Variants in GLRA2 observed in about 807,000 individuals in gnomAD.
GLRA2 encodes the protein glycine receptor alpha 2.
GLRA2 carries 11 observed loss-of-function variants against 31.6 expected under a neutral mutation model. The ratio of observed to expected loss-of-function variants is 0.35; its 90% CI spans 0.22 to 0.58. The LOEUF is 0.58. Ranked by LOEUF, GLRA2 falls within the 20% of genes least tolerant of loss-of-function variation. The pLI is 0.84. For synonymous variants in GLRA2, 132 were observed against 134.0 expected (o/e 0.99, Z 0.10); for missense variants, 212 against 351.8 (o/e 0.60, Z 3.18).
At chrX:14,453,132 A>G in the GLRA2 span, among the ~76,000 whole-genome samples, 54 of 112,035 alleles carry the variant, frequency 4.8e-4, no homozygotes, top group African/African-American at 1.7e-3. Flanking sequence ...GTGGAGTGTT[A>G]AGAAAAGTTT....
intron 8 of GLRA2, among the ~76,000 whole-genome samples, chrX:14,694,332 T>A (rs2091409221): frequency 8.9e-6 from 1 of 111,889 alleles, no homozygotes; most frequent in Non-Finnish European, 1.9e-5. Flanking sequence ...TATATATTCA[T>A]TCAAAAGATG....
At chrX:14,615,930 C>A (rs1313668726) in intron 7 of GLRA2, among the ~76,000 whole-genome samples, 1 of 111,132 alleles carries the variant, frequency 9.0e-6, no homozygotes, top group African/African-American at 3.3e-5. Flanking sequence ...AATCAAATAC[C>A]AGCATGATAT....
chrX:14,701,362 G>A (rs112752216), intron 8 of GLRA2, among the ~76,000 whole-genome samples: 28,780 of 109,920 alleles, frequency 0.26, 2,913 homozygotes, highest in Non-Finnish European at 0.3. Context: ...AGGACTGACT[G>A]AAATAAAAAT....
the GLRA2 span, among the ~76,000 whole-genome samples, chrX:14,494,182 G>A: frequency 9.0e-6 from 1 of 111,598 alleles, no homozygotes; most frequent in Non-Finnish European, 1.9e-5. Flanking sequence ...GGCTAGTAGT[G>A]ACTGGAAGGG....
intron 4 of GLRA2, among the ~76,000 whole-genome samples, chrX:14,584,413 G>A (rs1488152574): frequency 9.0e-6 from 1 of 111,575 alleles, no homozygotes; most frequent in African/African-American, 3.3e-5. Context: ...TACCAAAAAA[G>A]TAAACAGCTA....
upstream of GLRA2, among the ~76,000 whole-genome samples, chrX:14,525,558 A>G (rs1229470327): frequency 1.8e-5 from 2 of 111,798 alleles, no homozygotes; most frequent in Non-Finnish European, 3.8e-5. Context: ...GTGTTTATGT[A>G]ATTATGTAAC....
the GLRA2 span, among the ~76,000 whole-genome samples, chrX:14,511,582 T>C: frequency 7.1e-5 from 8 of 111,971 alleles, no homozygotes; most frequent in African/African-American, 2.6e-4. Context: ...TAGAATCTTG[T>C]TTTCTTCATT....
intron 7 of GLRA2, among the ~76,000 whole-genome samples, chrX:14,682,168 C>T (rs946485757): frequency 2.8e-5 from 3 of 107,671 alleles, no homozygotes; most frequent in African/African-American, 1.0e-4. Context: ...GGGGAAAGGT[C>T]GGGATATTCC....
At chrX:14,600,096 T>C (rs3027379) in intron 4 of GLRA2, among the ~76,000 whole-genome samples, 6,025 of 111,014 alleles carry the variant, frequency 0.054, 188 homozygotes, top group Admixed American at 0.12. Context: ...GATTCAGGGA[T>C]AGGGTCATGC....
chrX:14,718,229 AG>A (rs1385587489), intron 8 of GLRA2, among the ~76,000 whole-genome samples: 1 of 111,649 alleles, frequency 9.0e-6, no homozygotes, highest in East Asian at 2.8e-4. Context: ...CAGTTTACCT[AG>A]CATGACTTAC....
At chrX:14,716,248 A>T (rs1226564676) in intron 8 of GLRA2, among the ~76,000 whole-genome samples, 2 of 111,554 alleles carry the variant, frequency 1.8e-5, no homozygotes, top group East Asian at 5.6e-4. Context: ...AAATTCAGAA[A>T]ATGGCCAAAT....
intron 4 of GLRA2, among the ~76,000 whole-genome samples, chrX:14,599,409 C>T (rs3027378): frequency 0.037 from 4,144 of 111,762 alleles, 127 homozygotes; most frequent in African/African-American, 0.098. Context: ...ACTGGCTTCC[C>T]GACTAAAATA....
intron 8 of GLRA2, among the ~76,000 whole-genome samples, chrX:14,699,129 C>T (rs2091496882): frequency 8.9e-6 from 1 of 112,122 alleles, no homozygotes; most frequent in African/African-American, 3.2e-5. Context: ...GAAGCTGATG[C>T]CCCAGGTCTA....
At chrX:14,580,641 A>T (rs1011950543) in intron 3 of GLRA2, among the ~76,000 whole-genome samples, 5 of 112,308 alleles carry the variant, frequency 4.5e-5, no homozygotes, top group Non-Finnish European at 3.8e-5. Context: ...AGCTGCAAGG[A>T]AAATATTTTG....
chrX:14,585,778 G>A (rs976602986), intron 4 of GLRA2, among the ~76,000 whole-genome samples: 1 of 111,882 alleles, frequency 8.9e-6, no homozygotes, highest in Admixed American at 9.5e-5. Context: ...AATGAAGAAA[G>A]GTTGGGAAAG....
chrX:14,481,420 G>A, the GLRA2 span, among the ~76,000 whole-genome samples: 1 of 111,021 alleles, frequency 9.0e-6, no homozygotes, highest in Non-Finnish European at 1.9e-5. Context: ...GGTCAATAGC[G>A]AGTTATGGGA....
the GLRA2 span, among the ~76,000 whole-genome samples, chrX:14,454,115 G>A: frequency 9.4e-6 from 1 of 106,767 alleles, no homozygotes; most frequent in South Asian, 4.1e-4. Context: ...CTGTAGTGAT[G>A]GATACAAAAG....
At chrX:14,566,221 C>A (rs887416855) in intron 2 of GLRA2, among the ~76,000 whole-genome samples, 1 of 111,651 alleles carries the variant, frequency 9.0e-6, no homozygotes, top group Non-Finnish European at 1.9e-5. Context: ...AGTAAAAACA[C>A]ACAATTTACC....
chrX:14,548,166 G>A (rs2089505856), intron 2 of GLRA2, among the ~76,000 whole-genome samples: 1 of 111,371 alleles, frequency 9.0e-6, no homozygotes, highest in African/African-American at 3.3e-5. Flanking sequence ...TATCATTCTT[G>A]TTATTTAGGG....
Sources: allele counts gnomAD v4.1 joint callset (sites outside exome capture counted in the v4.1 genomes callset), GRCh38; gene constraint gnomAD v4.1.1; transcripts MANE v1.5; gene names NCBI Gene and HGNC (gene_info 2026-07-23, HGNC 2026-07-21).